The following BRD8 variants were observed in gnomAD, a reference collection of about 807,000 sequenced individuals.
BRD8 encodes the protein bromodomain-containing protein 8.
A neutral mutation model predicts 143.1 loss-of-function variants in BRD8; 67 were observed. That is an observed-to-expected ratio of 0.47 (90% CI 0.38 to 0.57). The LOEUF (loss-of-function observed/expected upper bound fraction) is 0.57. BRD8 is among the 20% of genes least tolerant of loss of function. BRD8 has a pLI of 0.00. For missense variants in BRD8, 1,103 were observed against 1,503.0 expected (o/e 0.73, Z 4.40); for synonymous variants, 505 against 517.1 (o/e 0.98, Z 0.32).
chr5:138,153,673 CTTTTTT>C lies in BRD8; in HGVS notation c.2578-919_2578-914del, dbSNP rs67848204. Among the ~76,000 whole-genome samples the C allele has an allele frequency of 2.8e-3, 296 of 107,344 alleles. 1 individual carries two copies. The highest frequency in any genetic ancestry group is 8.5e-3 in the African/African-American group (258 of 30,196). 70.4% of individuals were successfully genotyped at this position (107,344 alleles called of 152,430 possible). A position where few individuals can be genotyped will look rare whatever the true frequency, so the allele number is the denominator to read the frequency against. On this transcript the variant is annotated intron_variant, in intron 20 of 26. Coordinates refer to ENST00000254900, the MANE Select transcript of BRD8 (RefSeq NM_139199.2). ...CCCCATCACCATTTTCTTTTCTTTT[CTTTTTT>C]TTTTTTTTTTTTTTTGAACGAACTT...
chr5:138,165,891 A>G lies in BRD8; in HGVS notation c.1215T>C (p.Ser405=), dbSNP rs1753377735. The G allele has an allele frequency of 6.2e-7, 1 of 1,614,218 alleles. No homozygotes were observed. Among genetic ancestry groups the G allele is most frequent in the Admixed American group, 1.7e-5 (1 of 60,026 alleles). The change falls in exon 11 of 27, where the codon TCT becomes TCC. Residue 405 remains serine, a synonymous_variant. Transcript: ENST00000254900. ...DLAEKMDIAV[S]YTGEELDFET... ...CAAAATCCAGCTCTTCACCTGTGTA[A>G]GACACAGCAATATCCATCTTCTCAG...
At chr5:138,178,234 A>T (rs1754524387) in intron 1 of BRD8, among the ~76,000 whole-genome samples, 2 of 152,182 alleles carry the variant, frequency 1.3e-5, no homozygotes, top group Admixed American at 1.3e-4. Context: ...ACTGCCTCAC[A>T]AACGTCAGAC....
chr5:138,163,545 C>T, intron 14 of BRD8: 2 of 1,467,276 alleles, frequency 1.4e-6, no homozygotes, highest in South Asian at 1.3e-5. Flanking sequence ...AAGAATAATA[C>T]CCAGGATCTT....
intron 20 of BRD8, among the ~76,000 whole-genome samples, chr5:138,155,573 C>A (rs1226502988): frequency 6.6e-6 from 1 of 151,780 alleles, no homozygotes; most frequent in Non-Finnish European, 1.5e-5. Flanking sequence ...TTCTCTGTTG[C>A]CCAGGCTGGA....
At chr5:138,177,773 C>T in intron 1 of BRD8, 106 bp from the exon 2 acceptor site, 1 of 631,210 alleles carries the variant, frequency 1.6e-6, no homozygotes, top group South Asian at 2.1e-5. Flanking sequence ...TACAAAACAT[C>T]CCAACTTGTT....
intron 19 of BRD8, 68 bp downstream of exon 19, chr5:138,160,001 G>T: frequency 8.7e-7 from 1 of 1,150,700 alleles, no homozygotes; most frequent in East Asian, 2.3e-5. Flanking sequence ...GTAACATAAG[G>T]GTCCTTGGAT....
Position 138,170,339 on chromosome 5 carries a change from G to C in BRD8, c.505+6C>G. 3 of 1,599,630 alleles carry C rather than the reference G, an allele frequency of 1.9e-6. No individual in the cohort carries two copies. Among genetic ancestry groups the C allele is most frequent in the Non-Finnish European group, 2.6e-6 (3 of 1,166,764 alleles). Reference sequence around the variant, plus strand: ...TTGCTAAAGAGGCATACTAGGTTCAGCTTACCCTGGTATGCAGCATCTGTA... The same window carrying C: ...TTGCTAAAGAGGCATACTAGGTTCACCTTACCCTGGTATGCAGCATCTGTA... On this transcript the variant is annotated splice_donor_region_variant and intron_variant, in intron 7 of 26. Coordinates refer to ENST00000254900, the MANE Select transcript of BRD8 (RefSeq NM_139199.2).
intron 10 of BRD8, 80 bp downstream of exon 10, chr5:138,166,438 G>A (rs967376971): frequency 7.2e-6 from 6 of 832,142 alleles, no homozygotes; most frequent in South Asian, 1.8e-5. Flanking sequence ...CATCTGAATC[G>A]GAGCTGATGC....
chr5:138,164,222 A>G, intron 13 of BRD8, 89 bp from the exon 14 acceptor site: 5 of 1,575,918 alleles, frequency 3.2e-6, no homozygotes, highest in African/African-American at 2.7e-5. Flanking sequence ...TCTCCTTTAC[A>G]TGCTGACCTG....
chr5:138,151,868 A>T (rs1752384687), intron 21 of BRD8, among the ~76,000 whole-genome samples: 1 of 145,968 alleles, frequency 6.9e-6, no homozygotes, highest in Non-Finnish European at 1.5e-5. Flanking sequence ...TAATTTATTT[A>T]TTTAGAGACA....
rs1752301155 is a variant in BRD8 at position 138,149,623 on chromosome 5, T to C, written c.3278+17A>G. On this transcript the variant is annotated intron_variant, in intron 23 of 26. Transcript: ENST00000254900. ...AAGTACGAATCTTAACAAACTTGGA[T>C]GAAAGTCTACGCTTACAGCTTTGAG... 3 of 1,563,764 alleles carry C rather than the reference T, an allele frequency of 1.9e-6. No individual in the cohort carries two copies. Among genetic ancestry groups the C allele is most frequent in the African/African-American group, 2.7e-5 (2 of 73,132 alleles).
Position 138,150,920 on chromosome 5 carries a change from C to T in BRD8, c.2945G>A (p.Arg982Lys), listed in dbSNP as rs1752348559. ...TTCTCCTTCGCTAGCTTTAATTTCC[C>T]TTCCTTCTTGTCTGGTACCAGATGG... ...CPPSGTRQEG[R>K]EIKASEGERE... Residue 982 changes from arginine to lysine, a missense_variant, in exon 22 of 27, where the codon AGG becomes AAG. Physicochemically the swap from Arg to Lys is conservative, Grantham distance 26 (BLOSUM62 2). This residue lies in a region of BRD8 where 369 missense variants were observed against 445.5 expected (regional missense o/e 0.83). Transcript: ENST00000254900. 2 of 1,614,192 alleles carry T rather than the reference C, an allele frequency of 1.2e-6. No homozygotes were observed. The highest frequency in any genetic ancestry group is 1.7e-6 in the Non-Finnish European group (2 of 1,180,036).
At position 138,139,882 on chromosome 5, in the gene BRD8, C is replaced by T; in HGVS notation, c.*192G>A. 2 of 547,314 alleles carry T rather than the reference C, an allele frequency of 3.7e-6. 1 individual carries two copies. Among genetic ancestry groups the T allele is most frequent in the Non-Finnish European group, 6.5e-6 (2 of 309,492 alleles). The allele number at this position is 547,314 out of a possible 1,614,324, so 33.9% of individuals were successfully genotyped here. ...TGTGGGCAACATTTATGGCATAAAT[C>T]CAAACCTCAGCTTCCCCTTTTTTTC... On this transcript the variant is annotated 3_prime_UTR_variant, in exon 27 of 27. Coordinates refer to ENST00000254900, the MANE Select transcript of BRD8 (RefSeq NM_139199.2).
chr5:138,168,220 TCTAAA>T (rs1267668441), intron 8 of BRD8, 142 bp from the exon 9 acceptor site: 3 of 703,576 alleles, frequency 4.3e-6, no homozygotes, highest in Non-Finnish European at 7.2e-6. Flanking sequence ...CAAGGGAAAC[TCTAAA>T]CTATAATGTT....
chr5:138,177,448 A>G, intron 2 of BRD8, 123 bp downstream of exon 2: 1 of 619,364 alleles, frequency 1.6e-6, no homozygotes, highest in South Asian at 2.0e-5. Flanking sequence ...GTCTCAAAAA[A>G]AGAAGAAAAA....
intron 2 of BRD8, among the ~76,000 whole-genome samples, chr5:138,176,835 C>T (rs1754370859): frequency 6.6e-6 from 1 of 152,016 alleles, no homozygotes; most frequent in South Asian, 2.1e-4. Flanking sequence ...TGGTGGCTCA[C>T]ACCTGTAATC....
At position 138,164,964 on chromosome 5, in the gene BRD8, C is replaced by G. The variant is rs1396542301; in HGVS notation, c.1481G>C (p.Gly494Ala). 1 of 1,614,180 alleles carries G rather than the reference C, an allele frequency of 6.2e-7. No homozygotes were observed. ...RLDFEETENK[G>A]IHELVDIREP... ...CCTGATGTCCACCAGTTCATGTATT[C>G]CCTTGTTTTCCGTTTCCTCAAAGTC... The change falls in exon 12 of 27, where the codon GGA (glycine) becomes GCA (alanine). Residue 494 changes from glycine (G) to alanine (A), a missense_variant. Around this residue, in one of 7 missense-constraint regions of BRD8, gnomAD observed 139 missense variants for 139.0 expected, o/e 1.00. Transcript: ENST00000254900.
intron 6 of BRD8, chr5:138,170,615 T>C: frequency 1.3e-6 from 1 of 791,482 alleles, no homozygotes; most frequent in Non-Finnish European, 2.3e-6. Flanking sequence ...CACTCTTAAG[T>C]TAGAACTAAG....
intron 15 of BRD8, among the ~76,000 whole-genome samples, chr5:138,162,841 AT>A (rs1052049237): frequency 1.3e-5 from 2 of 151,716 alleles, no homozygotes; most frequent in African/African-American, 4.8e-5. Context: ...TACTAAAAAA[AT>A]TTTTTTTAAT....
Sources: gnomAD v4.1 joint callset for allele counts (sites outside exome capture counted in the v4.1 genomes callset) on GRCh38, gnomAD v4.1.1 for gene constraint, gnomAD v4.1.1 regional missense constraint, MANE v1.5 for transcripts, NCBI Gene and HGNC (gene_info 2026-07-23, HGNC 2026-07-21) for gene names.